Variants in NR3C2 observed in about 807,000 individuals in gnomAD.
The protein encoded by NR3C2 is nuclear receptor subfamily 3 group C member 2, also known as mineralocorticoid receptor.
In NR3C2, 15 loss-of-function variants were observed where a neutral mutation model predicts 86.4. The ratio of observed to expected loss-of-function variants is 0.17; its 90% CI spans 0.12 to 0.27. NR3C2 has a LOEUF of 0.27. NR3C2 is among the 10% of genes least tolerant of loss of function. NR3C2 has a pLI of 1.00. For missense variants in NR3C2, 960 were observed against 1,195.6 expected, an observed-to-expected ratio of 0.80 and a Z score of 2.91; for synonymous variants, 458 against 450.5, an observed-to-expected ratio of 1.02 and a Z score of -0.21.
chr4:148,418,152 T>C (rs1749103426), intron 2 of NR3C2, among the ~76,000 whole-genome samples: 1 of 152,160 alleles, frequency 6.6e-6, no homozygotes, highest in Non-Finnish European at 1.5e-5. Flanking sequence ...TGTTCACAAG[T>C]GAGAAAAGAG....
At chr4:148,409,694 A>G (rs1748598909) in intron 2 of NR3C2, among the ~76,000 whole-genome samples, 3 of 152,170 alleles carry the variant, frequency 2.0e-5, no homozygotes, top group Admixed American at 2.0e-4. Context: ...ATATATTAAA[A>G]TGAAAATATA....
intron 2 of NR3C2, among the ~76,000 whole-genome samples, chr4:148,414,208 T>C (rs950455513): frequency 2.6e-5 from 4 of 152,166 alleles, no homozygotes; most frequent in African/African-American, 7.2e-5. Context: ...TTGCTAAATA[T>C]ACGCATACAC....
chr4:148,086,922 C>T (rs1156613188), intron 8 of NR3C2, among the ~76,000 whole-genome samples: 1 of 152,102 alleles, frequency 6.6e-6, no homozygotes, highest in East Asian at 1.9e-4. Context: ...GAACTTCTGG[C>T]CAGGGCAATC....
chr4:148,436,105 T>G lies in NR3C2; in HGVS notation c.756A>C (p.Ala252=). The G allele has an allele frequency of 6.2e-7, 1 of 1,614,136 alleles. No individual in the cohort carries two copies. The highest frequency in any genetic ancestry group is 8.5e-7 in the Non-Finnish European group (1 of 1,180,030). Reference sequence around the variant, plus strand: ...GAGGAGAGCCCACATTGCTAGCATGTGCAGGGCTGTGCGACCTGGAGCCTC... The same window carrying G: ...GAGGAGAGCCCACATTGCTAGCATGGGCAGGGCTGTGCGACCTGGAGCCTC... The part of the protein sequence containing the change: ...ENRGSRSHSP[A]HASNVGSPLS... Residue 252 remains alanine, a synonymous_variant, in exon 2 of 9, where the codon GCA becomes GCC. Transcript: ENST00000358102.
chr4:148,418,520 C>T (rs1749119129), intron 2 of NR3C2, among the ~76,000 whole-genome samples: 1 of 152,184 alleles, frequency 6.6e-6, no homozygotes, highest in Admixed American at 6.5e-5. Context: ...AATTTCCTCT[C>T]TCTACAATAA....
chr4:148,149,777 A>G (rs1453372053), intron 6 of NR3C2, among the ~76,000 whole-genome samples: 1 of 152,246 alleles, frequency 6.6e-6, no homozygotes, highest in Non-Finnish European at 1.5e-5. Context: ...GAGGAGATAT[A>G]CAAATGGCTC....
At chr4:148,096,840 T>C (rs537141644) in intron 8 of NR3C2, among the ~76,000 whole-genome samples, 1 of 152,354 alleles carries the variant, frequency 6.6e-6, no homozygotes, top group South Asian at 2.1e-4. Context: ...TAACCAAGAT[T>C]GTGTGGCCCA....
chr4:148,386,858 T>C (rs574032326), intron 2 of NR3C2, among the ~76,000 whole-genome samples: 4 of 152,310 alleles, frequency 2.6e-5, no homozygotes, highest in African/African-American at 7.2e-5. Flanking sequence ...CATTCTCTTA[T>C]ACATGCCCTC....
At chr4:148,445,038 G>A (rs1750515041), upstream of NR3C2, 1 of 978,560 alleles carries the variant, frequency 1.0e-6, no homozygotes, top group Admixed American at 6.2e-5. Flanking sequence ...GCGGGAGGAG[G>A]CGGCACCGCG....
chr4:148,421,915 A>G (rs1305365674), intron 2 of NR3C2, among the ~76,000 whole-genome samples: 1 of 152,134 alleles, frequency 6.6e-6, no homozygotes, highest in Non-Finnish European at 1.5e-5. Context: ...ATACTCTCTC[A>G]TAAAAATCTT....
At chr4:148,414,887 T>A (rs538404846) in intron 2 of NR3C2, among the ~76,000 whole-genome samples, 1 of 152,340 alleles carries the variant, frequency 6.6e-6, no homozygotes, top group East Asian at 1.9e-4. Flanking sequence ...ACTCCATGAA[T>A]ATTCAGTCAG....
intron 2 of NR3C2, among the ~76,000 whole-genome samples, chr4:148,319,580 AG>A (rs1743435693): frequency 6.7e-6 from 1 of 148,984 alleles, no homozygotes; most frequent in East Asian, 2.0e-4. Context: ...TTCTCCTTGA[AG>A]AGGTCCTTCA....
At chr4:148,369,878 G>C (rs1315902501) in intron 2 of NR3C2, among the ~76,000 whole-genome samples, 1 of 152,220 alleles carries the variant, frequency 6.6e-6, no homozygotes, top group African/African-American at 2.4e-5. Context: ...GAGCCATGCT[G>C]GCTGTCCCAG....
At chr4:148,251,724 AT>A (rs892875955) in intron 3 of NR3C2, among the ~76,000 whole-genome samples, 4 of 152,124 alleles carry the variant, frequency 2.6e-5, no homozygotes, top group Non-Finnish European at 5.9e-5. Context: ...AGTAATGGTA[AT>A]TTTTTTTATA....
chr4:148,392,308 A>G (rs544588437), intron 2 of NR3C2, among the ~76,000 whole-genome samples: 1 of 152,370 alleles, frequency 6.6e-6, no homozygotes, highest in South Asian at 2.1e-4. Flanking sequence ...TGAATGTCCT[A>G]AAATATGAAA....
At chr4:148,284,995 A>C (rs1414454644) in intron 2 of NR3C2, among the ~76,000 whole-genome samples, 1 of 152,194 alleles carries the variant, frequency 6.6e-6, no homozygotes, top group African/African-American at 2.4e-5. Context: ...ACAGACTTGA[A>C]TCTAGGTTTG....
At chr4:148,294,808 C>T (rs975098042) in intron 2 of NR3C2, among the ~76,000 whole-genome samples, 11 of 151,546 alleles carry the variant, frequency 7.3e-5, no homozygotes, top group African/African-American at 2.2e-4. Flanking sequence ...AAGACCCTGT[C>T]TCTACAAAAA....
At chr4:148,356,593 A>G (rs2149998461) in intron 2 of NR3C2, among the ~76,000 whole-genome samples, 1 of 152,338 alleles carries the variant, frequency 6.6e-6, no homozygotes, top group South Asian at 2.1e-4. Context: ...AGGAACACTT[A>G]GGAACCATAT....
chr4:148,186,572 C>CTG (rs994855846), intron 4 of NR3C2, among the ~76,000 whole-genome samples: 3 of 152,060 alleles, frequency 2.0e-5, no homozygotes, highest in African/African-American at 7.2e-5. Context: ...TCCATGAATT[C>CTG]TCAGGTCTCT....
Sources: gnomAD v4.1 joint callset for allele counts (sites outside exome capture counted in the v4.1 genomes callset) on GRCh38, gnomAD v4.1.1 for gene constraint, MANE v1.5 for transcripts, NCBI Gene and HGNC (gene_info 2026-07-23, HGNC 2026-07-21) for gene names.